Variants in CACNB4 observed in about 807,000 individuals in gnomAD.
The protein encoded by CACNB4 is voltage-dependent L-type calcium channel subunit beta-4.
In CACNB4, 32 loss-of-function variants were observed where a neutral mutation model predicts 71.2. That is an observed-to-expected ratio of 0.45 (90% confidence interval 0.34 to 0.60). The LOEUF (loss-of-function observed/expected upper bound fraction) is 0.60. Among genes scored for constraint, CACNB4 ranks in the 20% least tolerant of loss-of-function variants. The probability of loss-of-function intolerance (pLI) is 0.01; values close to 1 mark genes in which losing one functional copy is unlikely to be tolerated. For synonymous variants in CACNB4, 231 were observed against 236.9 expected, an observed-to-expected ratio of 0.97 and a Z score of 0.23; for missense variants, 464 against 647.9, an observed-to-expected ratio of 0.72 and a Z score of 3.08.
chr2:151,961,725 T>C (rs1267955621), intron 2 of CACNB4, among the ~76,000 whole-genome samples: 1 of 151,764 alleles, frequency 6.6e-6, no homozygotes, highest in African/African-American at 2.4e-5. Flanking sequence ...ACCCTACCTC[T>C]ACAAAAAAAT....
At chr2:152,021,313 T>C (rs901348193) in intron 2 of CACNB4, among the ~76,000 whole-genome samples, 1 of 152,150 alleles carries the variant, frequency 6.6e-6, no homozygotes, top group Admixed American at 6.5e-5. Flanking sequence ...CTCTACCTTA[T>C]ATTTAAGCAA....
At chr2:151,843,418 G>A (rs114126012) in intron 12 of CACNB4, among the ~76,000 whole-genome samples, 2,159 of 152,250 alleles carry the variant, frequency 0.014, 55 homozygotes, top group African/African-American at 0.05. Flanking sequence ...GGGCTCTAGC[G>A]ATCCTCCCAC....
chr2:152,021,062 C>A (rs1683635661), intron 2 of CACNB4, among the ~76,000 whole-genome samples: 2 of 152,052 alleles, frequency 1.3e-5, no homozygotes. Context: ...ACCATCCTGG[C>A]CAACGTGGTG....
At chr2:151,880,443 T>C (rs573746847) in intron 4 of CACNB4, 150 of 316,414 alleles carry the variant, frequency 4.7e-4, no homozygotes, top group Middle Eastern at 1.0e-3. Context: ...CAGTCCCTTC[T>C]GGGTAGGTGC....
Position 152,076,136 on chromosome 2 carries a change from C to CTTTTTTTTT in CACNB4, c.147+22185_147+22193dup, listed in dbSNP as rs35400714. ...AGGACATGTGATTACCACCTCTTTT[C>CTTTTTTTTT]TTTTTTTTTTTTTTTTTTTTTTTTG... On this transcript the variant is annotated intron_variant, in intron 2 of 13. Coordinates refer to ENST00000539935, the MANE Select transcript of CACNB4 (RefSeq NM_000726.5). Among the ~76,000 whole-genome samples, 91 of 71,188 alleles carry CTTTTTTTTT rather than the reference C, an allele frequency of 1.3e-3. 1 individual carries two copies. Among genetic ancestry groups the CTTTTTTTTT allele is most frequent in the Non-Finnish European group, 1.6e-3 (65 of 39,458 alleles). The allele number at this position is 71,188 out of a possible 152,430, so 46.7% of individuals were successfully genotyped here.
At chr2:151,878,887 G>C (rs1014171115) in intron 4 of CACNB4, among the ~76,000 whole-genome samples, 7 of 151,904 alleles carry the variant, frequency 4.6e-5, no homozygotes, top group Admixed American at 4.6e-4. Context: ...CTCCAGCCTG[G>C]AAAACAGAGC....
rs1462027633 is a variant in CACNB4 at position 152,098,745 on chromosome 2, T to TGAG, written c.63+201_63+203dup. The stretch of plus-strand genomic sequence containing the variant: ...GGGAGCGCAGAGACCCGAAGGAGGG[T>TGAG]GAGGAGGAGGAGGAAGAGAAGGAGG... On this transcript the variant is annotated intron_variant, in intron 1 of 13. Coordinates refer to ENST00000539935, the MANE Select transcript of CACNB4 (RefSeq NM_000726.5). The surrounding 1 kb of genome is among the most constrained non-coding windows in gnomAD (Gnocchi z 5.3). 1.1e-5 allele frequency: 16 copies of TGAG among 1,483,044 alleles called. No homozygotes were observed. In the South Asian group the frequency reaches 1.4e-4, roughly 13 times the overall value. The allele number at this position is 1,483,044 out of a possible 1,614,324, so 91.9% of individuals were successfully genotyped here.
At chr2:151,881,889 T>A (rs1474657799) in intron 3 of CACNB4, among the ~76,000 whole-genome samples, 3 of 151,302 alleles carry the variant, frequency 2.0e-5, no homozygotes, top group Admixed American at 6.6e-5. Flanking sequence ...CTTTTTTTTT[T>A]TTTTTTTTTG....
intron 2 of CACNB4, among the ~76,000 whole-genome samples, chr2:151,975,389 C>T (rs1368608621): frequency 6.6e-6 from 1 of 152,208 alleles, no homozygotes; most frequent in Non-Finnish European, 1.5e-5. Context: ...CAATCACAGT[C>T]GCACATCTTG....
At chr2:151,955,264 A>G (rs1384002671) in intron 2 of CACNB4, among the ~76,000 whole-genome samples, 3 of 152,172 alleles carry the variant, frequency 2.0e-5, no homozygotes, top group Non-Finnish European at 1.5e-5. Flanking sequence ...TTCCCATCTT[A>G]CTATGCACTG....
At chr2:152,079,985 C>G (rs1353956438) in intron 2 of CACNB4, among the ~76,000 whole-genome samples, 1 of 152,110 alleles carries the variant, frequency 6.6e-6, no homozygotes, top group Admixed American at 6.6e-5. Context: ...CATTTCTGAA[C>G]CATACAGCAA....
chr2:152,050,370 G>C (rs1307822825), intron 2 of CACNB4, among the ~76,000 whole-genome samples: 2 of 152,076 alleles, frequency 1.3e-5, no homozygotes, highest in Non-Finnish European at 2.9e-5. Context: ...TCACCCACTA[G>C]ATTTACTCTA....
At chr2:152,083,206 A>G (rs958447132) in intron 2 of CACNB4, among the ~76,000 whole-genome samples, 1 of 152,154 alleles carries the variant, frequency 6.6e-6, no homozygotes, top group Admixed American at 6.5e-5. Flanking sequence ...AGAAATGTGT[A>G]TATGTATGTG....
chr2:152,027,406 G>A (rs536433381), intron 2 of CACNB4, among the ~76,000 whole-genome samples: 1 of 152,332 alleles, frequency 6.6e-6, no homozygotes, highest in Non-Finnish European at 1.5e-5. Flanking sequence ...ACTGTAATTA[G>A]ATAGATTTTA....
chr2:151,865,666 T>C (rs1016204325), intron 9 of CACNB4: 2 of 152,224 alleles, frequency 1.3e-5, no homozygotes, highest in African/African-American at 4.8e-5. Context: ...TCCATGCCCA[T>C]TGTGTATCCA....
chr2:151,878,381 A>T (rs1047908921), intron 4 of CACNB4, among the ~76,000 whole-genome samples: 2 of 152,182 alleles, frequency 1.3e-5, no homozygotes, highest in African/African-American at 4.8e-5. Context: ...TTCTCCATGC[A>T]TACTATATGA....
At chr2:152,049,171 T>TAAAA (rs1253936645) in intron 2 of CACNB4, among the ~76,000 whole-genome samples, 224 of 150,376 alleles carry the variant, frequency 1.5e-3, no homozygotes, top group African/African-American at 5.5e-3. Flanking sequence ...TTTTTTTTTT[T>TAAAA]AAACTTTTTT....
chr2:152,049,426 C>T (rs1685303404), intron 2 of CACNB4, among the ~76,000 whole-genome samples: 1 of 152,218 alleles, frequency 6.6e-6, no homozygotes, highest in South Asian at 2.1e-4. Context: ...GCTGGGATTA[C>T]AGGCGTGAGC....
At chr2:152,079,951 A>G (rs1183531001) in intron 2 of CACNB4, among the ~76,000 whole-genome samples, 1 of 152,166 alleles carries the variant, frequency 6.6e-6, no homozygotes, top group East Asian at 1.9e-4. Context: ...ATTCTAATGT[A>G]CAGCCAAGGT....
Sources: allele counts gnomAD v4.1 joint callset (sites outside exome capture counted in the v4.1 genomes callset), GRCh38; gene constraint gnomAD v4.1.1; non-coding constraint Gnocchi (gnomAD v3.1); transcripts MANE v1.5; gene names NCBI Gene and HGNC (gene_info 2026-07-23, HGNC 2026-07-21).